CACNA2D1: variants seen among roughly 807,000 people sequenced by gnomAD.
CACNA2D1 encodes voltage-dependent calcium channel subunit alpha-2/delta-1.
CACNA2D1 carries 53 observed loss-of-function variants against 171.5 expected under a neutral mutation model. That is an observed-to-expected ratio of 0.31 (90% CI 0.25 to 0.39). CACNA2D1 has a LOEUF of 0.39. Ranked by LOEUF, CACNA2D1 falls within the 10% of genes least tolerant of loss-of-function variation. The pLI is 1.00. For synonymous variants in CACNA2D1, 442 were observed against 443.1 expected (o/e 1.00, Z 0.03); for missense variants, 903 against 1,299.8 (o/e 0.69, Z 4.69).
chr7:81,977,710 C>A (rs754123356), intron 24 of CACNA2D1, among the ~76,000 whole-genome samples: 36 of 152,146 alleles, frequency 2.4e-4, no homozygotes, highest in Non-Finnish European at 4.7e-4. Flanking sequence ...ACACCAAAAG[C>A]AATGGCAACA....
chr7:82,252,094 C>T (rs545362781), intron 3 of CACNA2D1, among the ~76,000 whole-genome samples: 109 of 152,256 alleles, frequency 7.2e-4, no homozygotes, highest in Non-Finnish European at 1.1e-3. Context: ...CAAAAACATC[C>T]TACCCTATTC....
intron 3 of CACNA2D1, among the ~76,000 whole-genome samples, chr7:82,316,577 A>AAAGAT (rs1442332118): frequency 2.0e-4 from 31 of 152,340 alleles, no homozygotes; most frequent in African/African-American, 6.5e-4. Flanking sequence ...AAAGAAAAGA[A>AAAGAT]AACTAAAGCT....
intron 3 of CACNA2D1, among the ~76,000 whole-genome samples, chr7:82,221,965 A>G (rs1801824152): frequency 6.6e-6 from 1 of 152,046 alleles, no homozygotes; most frequent in African/African-American, 2.4e-5. Flanking sequence ...AAAAAAAAAA[A>G]GAGCTTCCTT....
intron 1 of CACNA2D1, among the ~76,000 whole-genome samples, chr7:82,395,876 T>TA (rs924867428): frequency 7.2e-4 from 110 of 152,106 alleles, no homozygotes; most frequent in Non-Finnish European, 1.5e-3. Context: ...ATCATTGGCA[T>TA]AAAAAAAATA....
intron 5 of CACNA2D1, among the ~76,000 whole-genome samples, chr7:82,135,046 A>T (rs978540098): frequency 4.6e-5 from 7 of 152,114 alleles, no homozygotes; most frequent in East Asian, 1.9e-4. Context: ...ACCTAAATAA[A>T]ACTGTTTCAC....
chr7:82,428,985 G>A (rs1054041539), intron 1 of CACNA2D1, among the ~76,000 whole-genome samples: 1 of 152,164 alleles, frequency 6.6e-6, no homozygotes, highest in Non-Finnish European at 1.5e-5. Flanking sequence ...ACCACTGTGG[G>A]TTTGAAGATG....
intron 1 of CACNA2D1, among the ~76,000 whole-genome samples, chr7:82,378,938 CGTGTGT>C (rs533854397): frequency 0.32 from 45,143 of 138,924 alleles, 7,537 homozygotes; most frequent in East Asian, 0.48. Context: ...GGGGTTGACT[CGTGTGT>C]GTGTGTGTGT....
At chr7:82,253,840 G>A (rs1184931822) in intron 3 of CACNA2D1, among the ~76,000 whole-genome samples, 1 of 152,136 alleles carries the variant, frequency 6.6e-6, no homozygotes, top group East Asian at 1.9e-4. Context: ...TAAGAAACAT[G>A]AGGTCAAAAT....
intron 36 of CACNA2D1, among the ~76,000 whole-genome samples, chr7:81,961,320 G>A (rs1794087420): frequency 6.6e-6 from 1 of 151,694 alleles, no homozygotes; most frequent in Non-Finnish European, 1.5e-5. Context: ...ATATTTTATG[G>A]ATACTGACTA....
Position 82,443,626 on chromosome 7 carries a change from G to A in CACNA2D1, c.-167C>T. The A allele has an allele frequency of 7.6e-7, 1 of 1,318,768 alleles. No homozygotes were observed. Among genetic ancestry groups the A allele is most frequent in the Non-Finnish European group, 9.6e-7 (1 of 1,040,282 alleles). The allele number at this position is 1,318,768 out of a possible 1,614,324, so 81.7% of individuals were successfully genotyped here. On this transcript the variant is annotated 5_prime_UTR_variant, in exon 1 of 39. Transcript: ENST00000356860. ...CGGAGCCGCGCGGGGGACGGCAAGG[G>A]CGGGAGCGGACGCCGAGGAAGGGGC...
chr7:81,980,402 AC>A (rs1266674277), intron 24 of CACNA2D1, among the ~76,000 whole-genome samples: 1 of 152,012 alleles, frequency 6.6e-6, no homozygotes, highest in Non-Finnish European at 1.5e-5. Context: ...CTGTGCTCCA[AC>A]AAAAATTTAT....
intron 3 of CACNA2D1, among the ~76,000 whole-genome samples, chr7:82,319,588 ATGT>A (rs1462394346): frequency 2.0e-5 from 3 of 152,176 alleles, no homozygotes; most frequent in African/African-American, 7.2e-5. Flanking sequence ...GAACCACATT[ATGT>A]TGTTGTGCTA....
intron 25 of CACNA2D1, among the ~76,000 whole-genome samples, chr7:81,973,751 TATA>T (rs1795538637): frequency 6.6e-6 from 1 of 152,044 alleles, no homozygotes; most frequent in Non-Finnish European, 1.5e-5. Flanking sequence ...GTAGTGCTTT[TATA>T]ATAAATATTT....
intron 3 of CACNA2D1, among the ~76,000 whole-genome samples, chr7:82,236,627 T>C (rs1041702582): frequency 3.6e-4 from 55 of 152,134 alleles, no homozygotes; most frequent in African/African-American, 1.2e-3. Context: ...AAGCATTTTC[T>C]TCACTGATTA....
chr7:82,113,527 G>T (rs958853987), intron 6 of CACNA2D1, among the ~76,000 whole-genome samples: 6 of 152,062 alleles, frequency 3.9e-5, no homozygotes, highest in African/African-American at 1.4e-4. Flanking sequence ...ATATATCATT[G>T]AGCAGAAATA....
intron 28 of CACNA2D1, 58 bp downstream of exon 28, chr7:81,969,823 T>C: frequency 2.2e-6 from 2 of 900,082 alleles, no homozygotes; most frequent in East Asian, 5.0e-5. Context: ...GAGCAGATAG[T>C]AGCAGTAATT....
chr7:82,029,214 T>G (rs987200936), intron 12 of CACNA2D1: 2 of 151,806 alleles, frequency 1.3e-5, no homozygotes, highest in Admixed American at 1.3e-4. Context: ...CTTGCTGAAG[T>G]CTTAGATGAT....
intron 1 of CACNA2D1, among the ~76,000 whole-genome samples, chr7:82,388,959 T>C (rs1286618341): frequency 6.6e-6 from 1 of 151,350 alleles, no homozygotes; most frequent in East Asian, 2.0e-4. Context: ...CTACTAAAAA[T>C]ACAAAAATTA....
At chr7:82,039,258 CATTT>C (rs3837133) in intron 10 of CACNA2D1, among the ~76,000 whole-genome samples, 36,868 of 151,884 alleles carry the variant, frequency 0.24, 4,521 homozygotes, top group Middle Eastern at 0.47. Context: ...TATAATTCAT[CATTT>C]TTTTCTCTGA....
Sources: gnomAD v4.1 joint callset for allele counts (sites outside exome capture counted in the v4.1 genomes callset) on GRCh38, gnomAD v4.1.1 for gene constraint, MANE v1.5 for transcripts, NCBI Gene and HGNC (gene_info 2026-07-23, HGNC 2026-07-21) for gene names.